The following HFM1 variants were observed in gnomAD, a reference collection of about 807,000 sequenced individuals.
The protein encoded by HFM1 is probable ATP-dependent DNA helicase HFM1.
A neutral mutation model predicts 192.1 loss-of-function variants in HFM1; 169 were observed. That is an observed-to-expected ratio of 0.88 (90% CI 0.78 to 1.00). The LOEUF (loss-of-function observed/expected upper bound fraction) is 1.00. HFM1 is among the 50% of genes least tolerant of loss of function. The pLI is 0.00. For missense variants in HFM1, 1,661 were observed against 1,668.0 expected, an observed-to-expected ratio of 1.00 and a Z score of 0.07; for synonymous variants, 525 against 537.8, an observed-to-expected ratio of 0.98 and a Z score of 0.33.
At chr1:91,274,659 A>G in intron 33 of HFM1, 71 bp downstream of exon 33, 6 of 736,618 alleles carry the variant, frequency 8.1e-6, no homozygotes, top group Admixed American at 2.2e-5. Context: ...CTTTCCCTGA[A>G]TAAGTGGTTA....
chr1:91,396,607 G>C (rs113871362), intron 2 of HFM1, among the ~76,000 whole-genome samples: 23 of 152,254 alleles, frequency 1.5e-4, no homozygotes, highest in African/African-American at 5.3e-4. Context: ...CGCTGTGTGA[G>C]ATATGCTACC....
intron 4 of HFM1, among the ~76,000 whole-genome samples, chr1:91,393,844 TG>T (rs1163027876): frequency 6.6e-6 from 1 of 152,128 alleles, no homozygotes; most frequent in East Asian, 1.9e-4. Context: ...TTGTTAAAAA[TG>T]AAGATTCCTG....
rs1429787898 is a variant in HFM1 at position 91,352,541 on chromosome 1, T to C, written c.1942A>G (p.Ile648Val). The C allele has an allele frequency of 1.2e-6, 2 of 1,607,984 alleles. No individual in the cohort carries two copies. The highest frequency in any genetic ancestry group is 1.7e-6 in the Non-Finnish European group (2 of 1,177,054). Residue 648 changes from isoleucine to valine, a missense_variant, in exon 16 of 39, where the codon ATT (isoleucine) becomes GTT (valine). Coordinates refer to ENST00000370425, the MANE Select transcript of HFM1 (RefSeq NM_001017975.6). ...CCAGCTCTACCAATCATCTGTAGAA[T>C]ATCTGTTTCACTGTACTCTTCAAAC... is the stretch of plus-strand genomic sequence containing the variant. ...GLFEEYSETD[I>V]LQMIGRAGRP...
intron 30 of HFM1, among the ~76,000 whole-genome samples, chr1:91,310,729 T>C (rs1650324610): frequency 1.3e-5 from 2 of 152,222 alleles, no homozygotes; most frequent in Non-Finnish European, 2.9e-5. Flanking sequence ...CAAGGGTTTC[T>C]GCTTTTGCTT....
At chr1:91,341,317 C>T (rs1379792581) in intron 20 of HFM1, among the ~76,000 whole-genome samples, 1 of 152,172 alleles carries the variant, frequency 6.6e-6, no homozygotes, top group African/African-American at 2.4e-5. Context: ...AATTAAACAA[C>T]ATGCTTCTGA....
intron 1 of HFM1, among the ~76,000 whole-genome samples, chr1:91,404,373 C>T (rs1571262572): frequency 6.6e-6 from 1 of 152,358 alleles, no homozygotes; most frequent in East Asian, 1.9e-4. Flanking sequence ...CCCCCGGGTC[C>T]CGTTTCCTCC....
intron 6 of HFM1, among the ~76,000 whole-genome samples, chr1:91,384,550 G>C (rs1248184522): frequency 6.6e-6 from 1 of 151,752 alleles, no homozygotes; most frequent in Non-Finnish European, 1.5e-5. Flanking sequence ...CCCCTACCCA[G>C]TTCAACCCAA....
intron 30 of HFM1, among the ~76,000 whole-genome samples, chr1:91,282,859 A>C (rs1667587798): frequency 1.3e-5 from 2 of 152,292 alleles, no homozygotes; most frequent in South Asian, 4.1e-4. Context: ...ACTTCTAAAA[A>C]AGATGCATGT....
Position 91,285,100 on chromosome 1 carries a change from C to T in HFM1, c.3392-8038G>A, listed in dbSNP as rs554809325. ...CTCTCTTGTCTGCCACCATGTAAGA[C>T]GTGCCTTTCACTTTCTGCCATGATT... is the stretch of plus-strand genomic sequence containing the variant. On this transcript the variant is annotated intron_variant, in intron 30 of 38. Transcript: ENST00000370425. Among the ~76,000 whole-genome samples the T allele has an allele frequency of 5.4e-4, 82 of 152,248 alleles. No homozygotes were observed. The Middle Eastern group carries it at 0.017, about 32-fold the overall frequency.
At chr1:91,338,497 C>T (rs1247156392) in intron 20 of HFM1, among the ~76,000 whole-genome samples, 1 of 152,188 alleles carries the variant, frequency 6.6e-6, no homozygotes, top group Non-Finnish European at 1.5e-5. Context: ...TAGTGGCCAC[C>T]ACCATAGCTC....
chr1:91,382,268 T>C (rs894286712), intron 6 of HFM1, among the ~76,000 whole-genome samples: 4 of 152,154 alleles, frequency 2.6e-5, no homozygotes, highest in African/African-American at 9.7e-5. Flanking sequence ...AGTCCCAATT[T>C]AACCCGCTTA....
chr1:91,351,644 C>G lies in HFM1; in HGVS notation c.1978-1G>C, dbSNP rs756008755. 3.2e-6 allele frequency: 5 copies of G among 1,563,952 alleles called. No homozygotes were observed. The highest frequency in any genetic ancestry group is 3.6e-5 in the Admixed American group (2 of 55,768). ...TAACTGCAGTAGCTGTAGTGTCAAA[C>G]TGGGGAGAAAACAAACAGAAATTTA... On this transcript the variant is annotated splice_acceptor_variant, in intron 16 of 38. Coordinates refer to ENST00000370425, the MANE Select transcript of HFM1 (RefSeq NM_001017975.6). LOFTEE classifies it high-confidence loss of function.
intron 28 of HFM1, among the ~76,000 whole-genome samples, chr1:91,314,485 G>A (rs1184401937): frequency 6.6e-6 from 1 of 151,972 alleles, no homozygotes; most frequent in Non-Finnish European, 1.5e-5. Context: ...CTGAAACTCT[G>A]GGCTTTAAGT....
At chr1:91,300,099 G>C (rs1383265497) in intron 30 of HFM1, among the ~76,000 whole-genome samples, 1 of 151,924 alleles carries the variant, frequency 6.6e-6, no homozygotes, top group African/African-American at 2.4e-5. Flanking sequence ...TGATAAAGGG[G>C]ATATCACCAC....
chr1:91,406,912 T>A (rs1186046929), upstream of HFM1, among the ~76,000 whole-genome samples: 1 of 152,132 alleles, frequency 6.6e-6, no homozygotes, highest in African/African-American at 2.4e-5. Flanking sequence ...TATCCAAGAC[T>A]CCCAAGTTCC....
chr1:91,322,683 C>T (rs1047234076), intron 23 of HFM1, among the ~76,000 whole-genome samples: 6 of 152,202 alleles, frequency 3.9e-5, no homozygotes, highest in Admixed American at 3.3e-4. Flanking sequence ...CTCAAGCTAA[C>T]TTGAAAGCTC....
intron 13 of HFM1, among the ~76,000 whole-genome samples, chr1:91,363,086 C>A (rs1479164262): frequency 6.6e-6 from 1 of 152,090 alleles, no homozygotes; most frequent in Non-Finnish European, 1.5e-5. Context: ...AGAAGAAAAT[C>A]TAGGCAATAC....
At chr1:91,344,753 GT>G (rs10678480) in intron 19 of HFM1, among the ~76,000 whole-genome samples, 2 of 141,722 alleles carry the variant, frequency 1.4e-5, no homozygotes, top group African/African-American at 2.6e-5. Context: ...TTCTTTTCTT[GT>G]TTTTTTTTTT....
Position 91,351,652 on chromosome 1 carries a change from AAAAC to A in HFM1, c.1978-13_1978-10del. ...GTAGCTGTAGTGTCAAACTGGGGAG[AAAAC>A]AAACAGAAATTTAGTGAAGAAGAGC... On this transcript the variant is annotated splice_polypyrimidine_tract_variant and intron_variant, in intron 16 of 38. Coordinates refer to ENST00000370425, the MANE Select transcript of HFM1 (RefSeq NM_001017975.6). 6.6e-7 allele frequency: 1 copy of A among 1,506,484 alleles called. No homozygotes were observed. Among genetic ancestry groups the A allele is most frequent in the Non-Finnish European group, 9.1e-7 (1 of 1,095,774 alleles). 93.3% of individuals were successfully genotyped at this position (1,506,484 alleles called of 1,614,324 possible). A position where few individuals can be genotyped will look rare whatever the true frequency, so the allele number is the denominator to read the frequency against.
Sources: allele counts gnomAD v4.1 joint callset (sites outside exome capture counted in the v4.1 genomes callset), GRCh38; gene constraint gnomAD v4.1.1; transcripts MANE v1.5; gene names NCBI Gene and HGNC (gene_info 2026-07-23, HGNC 2026-07-21).